FBXL20: variants seen among roughly 807,000 people sequenced by gnomAD.
The protein encoded by FBXL20 is F-box and leucine rich repeat protein 20, also known as F-box/LRR-repeat protein 20.
FBXL20 carries 11 observed loss-of-function variants against 64.0 expected under a neutral mutation model. That is an observed-to-expected ratio of 0.17 (90% CI 0.11 to 0.28). FBXL20 has a LOEUF of 0.28. Ranked by LOEUF, FBXL20 falls within the 10% of genes least tolerant of loss-of-function variation. The pLI is 1.00. For synonymous variants in FBXL20, 184 were observed against 189.0 expected, an observed-to-expected ratio of 0.97 and a Z score of 0.22; for missense variants, 303 against 526.2, an observed-to-expected ratio of 0.58 and a Z score of 4.15.
At chr17:39,341,370 A>G (rs973164421) in intron 2 of FBXL20, among the ~76,000 whole-genome samples, 8 of 152,194 alleles carry the variant, frequency 5.3e-5, no homozygotes, top group Non-Finnish European at 7.4e-5. Flanking sequence ...AATCCAAATC[A>G]AGCTCTCAAT....
intron 2 of FBXL20, among the ~76,000 whole-genome samples, chr17:39,330,592 G>A (rs1023727130): frequency 2.0e-5 from 3 of 152,152 alleles, no homozygotes; most frequent in Non-Finnish European, 4.4e-5. Flanking sequence ...TCCAGTCTGG[G>A]TGACAGAGCA....
chr17:39,264,092 A>G, intron 14 of FBXL20, 83 bp downstream of exon 14: 1 of 1,402,146 alleles, frequency 7.1e-7, no homozygotes, highest in Non-Finnish European at 9.9e-7. Flanking sequence ...AATCATAGGA[A>G]CCTAAATTTG....
chr17:39,391,939 C>T (rs867006374), intron 1 of FBXL20, among the ~76,000 whole-genome samples: 4 of 150,264 alleles, frequency 2.7e-5, no homozygotes, highest in South Asian at 2.1e-4. Flanking sequence ...GCCAGGAGTT[C>T]GAGACCAGTC....
At chr17:39,365,140 T>C (rs2047846772) in intron 1 of FBXL20, among the ~76,000 whole-genome samples, 1 of 152,146 alleles carries the variant, frequency 6.6e-6, no homozygotes, top group Admixed American at 6.6e-5. Context: ...TAAGAATCAA[T>C]TTTCATTAAA....
intron 2 of FBXL20, among the ~76,000 whole-genome samples, chr17:39,332,991 T>C (rs542729955): frequency 6.6e-6 from 1 of 151,736 alleles, no homozygotes; most frequent in Non-Finnish European, 1.5e-5. Flanking sequence ...TTTTAAGAGA[T>C]AGTGCCTAGC....
chr17:39,370,670 C>A (rs2047908778), intron 1 of FBXL20, among the ~76,000 whole-genome samples: 1 of 150,838 alleles, frequency 6.6e-6, no homozygotes, highest in Non-Finnish European at 1.5e-5. Flanking sequence ...TAGCGGGCGC[C>A]TGTAGTCCCA....
intron 1 of FBXL20, among the ~76,000 whole-genome samples, chr17:39,399,627 CT>C (rs1197540928): frequency 1.3e-5 from 2 of 151,926 alleles, no homozygotes; most frequent in Non-Finnish European, 2.9e-5. Context: ...CCACCTTATT[CT>C]TTTTTTTACC....
chr17:39,387,480 T>A (rs991959742), intron 1 of FBXL20, among the ~76,000 whole-genome samples: 133 of 152,206 alleles, frequency 8.7e-4, no homozygotes, highest in Middle Eastern at 6.8e-3. Flanking sequence ...GGTTTCACCA[T>A]GTTCGCCAGG....
At chr17:39,367,340 A>T (rs2047870945) in intron 1 of FBXL20, among the ~76,000 whole-genome samples, 2 of 142,868 alleles carry the variant, frequency 1.4e-5, no homozygotes. Flanking sequence ...TTTTGGAGAT[A>T]GAGTCTCACT....
At chr17:39,378,309 C>A (rs997275622) in intron 1 of FBXL20, among the ~76,000 whole-genome samples, 1 of 152,098 alleles carries the variant, frequency 6.6e-6, no homozygotes, top group Non-Finnish European at 1.5e-5. Flanking sequence ...ATACAACTAA[C>A]CCAATTAAAA....
intron 2 of FBXL20, among the ~76,000 whole-genome samples, chr17:39,317,706 T>TC (rs2047309582): frequency 3.2e-5 from 2 of 63,112 alleles, no homozygotes; most frequent in Admixed American, 3.1e-4. Flanking sequence ...TTTTTGTTTT[T>TC]TTTTTTTTTT....
At chr17:39,357,275 CAAAAA>C (rs34332873) in intron 1 of FBXL20, among the ~76,000 whole-genome samples, 5 of 93,102 alleles carry the variant, frequency 5.4e-5, no homozygotes, top group African/African-American at 1.1e-4. Context: ...AACTCTGTCT[CAAAAA>C]AAAAAAAAAA....
chr17:39,363,244 C>T (rs2047817195), intron 1 of FBXL20, among the ~76,000 whole-genome samples: 1 of 151,894 alleles, frequency 6.6e-6, no homozygotes, highest in South Asian at 2.1e-4. Flanking sequence ...GAACTCCCAA[C>T]CTCAGGTGAT....
At chr17:39,312,740 AT>A (rs71353571) in intron 2 of FBXL20, among the ~76,000 whole-genome samples, 12 of 140,186 alleles carry the variant, frequency 8.6e-5, no homozygotes, top group Non-Finnish European at 7.7e-5. Context: ...CGCCTGGCTA[AT>A]TTTTTTTTTG....
At chr17:39,341,194 G>T (rs1220746700) in intron 2 of FBXL20, among the ~76,000 whole-genome samples, 1 of 151,936 alleles carries the variant, frequency 6.6e-6, no homozygotes, top group Non-Finnish European at 1.5e-5. Flanking sequence ...TCCAATTTAG[G>T]AAGGACTTGT....
intron 2 of FBXL20, among the ~76,000 whole-genome samples, chr17:39,306,328 G>A (rs1231029038): frequency 1.3e-5 from 2 of 151,814 alleles, no homozygotes; most frequent in East Asian, 1.9e-4. Flanking sequence ...TTTAAAACAA[G>A]TTTTAAATTT....
intron 2 of FBXL20, among the ~76,000 whole-genome samples, chr17:39,328,962 G>A (rs2047435415): frequency 6.6e-6 from 1 of 152,160 alleles, no homozygotes; most frequent in Non-Finnish European, 1.5e-5. Flanking sequence ...ACAGAGGTGG[G>A]AGGATTGCTT....
intron 2 of FBXL20, among the ~76,000 whole-genome samples, chr17:39,314,292 A>T (rs986766140): frequency 3.9e-5 from 6 of 152,044 alleles, no homozygotes; most frequent in Admixed American, 1.3e-4. Context: ...ATAATATCCT[A>T]CTGTATCCAT....
At chr17:39,269,499 CTTTTTTTTT>C (rs1024012415) in intron 11 of FBXL20, among the ~76,000 whole-genome samples, 1 of 116,756 alleles carries the variant, frequency 8.6e-6, no homozygotes, top group Non-Finnish European at 1.8e-5. Flanking sequence ...GGCCTTTCCT[CTTTTTTTTT>C]TTTTTTTTTG....
Sources: gnomAD v4.1 joint callset for allele counts (sites outside exome capture counted in the v4.1 genomes callset) on GRCh38, gnomAD v4.1.1 for gene constraint, MANE v1.5 for transcripts, NCBI Gene and HGNC (gene_info 2026-07-23, HGNC 2026-07-21) for gene names.